GRIK4: variants seen among roughly 807,000 people sequenced by gnomAD.
GRIK4 encodes glutamate ionotropic receptor kainate type subunit 4, also known as glutamate receptor ionotropic, kainate 4.
In GRIK4, 40 loss-of-function variants were observed where a neutral mutation model predicts 104.9. That is an observed-to-expected ratio of 0.38 (90% CI 0.30 to 0.50). The LOEUF (loss-of-function observed/expected upper bound fraction) is 0.50, where lower values mean the gene tolerates loss of function less well. Ranked by LOEUF, GRIK4 falls within the 20% of genes least tolerant of loss-of-function variation. The pLI, the probability that GRIK4 is intolerant of heterozygous loss-of-function variation, is 0.93. For synonymous variants in GRIK4, 485 were observed against 524.9 expected (o/e 0.92, Z 1.04); for missense variants, 1,047 against 1,308.1 (o/e 0.80, Z 3.08).
At chr11:120,885,847 C>T (rs1955104847) in intron 11 of GRIK4, among the ~76,000 whole-genome samples, 1 of 152,158 alleles carries the variant, frequency 6.6e-6, no homozygotes, top group Non-Finnish European at 1.5e-5. Context: ...CATTTTTAGT[C>T]AGAGCTGACT....
intron 3 of GRIK4, among the ~76,000 whole-genome samples, chr11:120,769,660 C>A (rs1269862652): frequency 6.6e-6 from 1 of 152,152 alleles, no homozygotes; most frequent in East Asian, 1.9e-4. Flanking sequence ...GTTTGCTGAC[C>A]TCTGACTTAC....
At chr11:120,680,173 G>C (rs1436735743) in intron 3 of GRIK4, among the ~76,000 whole-genome samples, 1 of 152,146 alleles carries the variant, frequency 6.6e-6, no homozygotes, top group East Asian at 1.9e-4. Flanking sequence ...CACCTCCCAG[G>C]CTCAAGTGAT....
chr11:120,910,429 CTG>C (rs1565433301), intron 13 of GRIK4, among the ~76,000 whole-genome samples: 1 of 152,192 alleles, frequency 6.6e-6, no homozygotes, highest in East Asian at 1.9e-4. Flanking sequence ...CACCCTGGGG[CTG>C]TGTCTGGGCA....
At chr11:120,985,799 C>A in intron 20 of GRIK4, 105 bp from the exon 21 acceptor site, 1 of 984,166 alleles carries the variant, frequency 1.0e-6, no homozygotes. Context: ...TAAGATGACA[C>A]GATTCTGTGA....
At chr11:120,934,201 T>C (rs1943544165) in intron 13 of GRIK4, among the ~76,000 whole-genome samples, 1 of 86,568 alleles carries the variant, frequency 1.2e-5, no homozygotes. Context: ...CGAGACTCCG[T>C]CTCAAAAAAA....
chr11:120,772,908 A>C (rs557818657), intron 3 of GRIK4, among the ~76,000 whole-genome samples: 3 of 152,140 alleles, frequency 2.0e-5, no homozygotes, highest in Non-Finnish European at 4.4e-5. Context: ...ATATTTATTG[A>C]ATCCTGTGAT....
intron 1 of GRIK4, among the ~76,000 whole-genome samples, chr11:120,516,801 G>A (rs546592924): frequency 3.3e-5 from 5 of 152,242 alleles, no homozygotes; most frequent in African/African-American, 1.2e-4. Context: ...TGGGCGATGC[G>A]AGGGGAGTAG....
At chr11:120,677,292 G>A (rs529114798) in intron 3 of GRIK4, among the ~76,000 whole-genome samples, 8 of 152,254 alleles carry the variant, frequency 5.3e-5, no homozygotes, top group African/African-American at 1.7e-4. Flanking sequence ...GCTGGGCTCC[G>A]CTCAGAATGA....
intron 3 of GRIK4, among the ~76,000 whole-genome samples, chr11:120,763,525 TTG>T (rs934289209): frequency 6.6e-6 from 1 of 152,192 alleles, no homozygotes; most frequent in Non-Finnish European, 1.5e-5. Flanking sequence ...GTTCTTTTAA[TTG>T]TGATGTTAGG....
At chr11:120,887,145 C>A (rs1955140481) in intron 11 of GRIK4, among the ~76,000 whole-genome samples, 2 of 152,208 alleles carry the variant, frequency 1.3e-5, no homozygotes, top group African/African-American at 4.8e-5. Flanking sequence ...GTTCACACAT[C>A]TATTCCACCC....
At chr11:120,688,704 A>G (rs944875286) in intron 3 of GRIK4, among the ~76,000 whole-genome samples, 8 of 152,232 alleles carry the variant, frequency 5.3e-5, no homozygotes, top group Non-Finnish European at 1.2e-4. Flanking sequence ...AGAGCCGAAA[A>G]TAATTAATCA....
At chr11:120,579,734 T>C (rs1170860561) in intron 1 of GRIK4, among the ~76,000 whole-genome samples, 2 of 152,154 alleles carry the variant, frequency 1.3e-5, no homozygotes. Flanking sequence ...TCCCGATCTG[T>C]ACAGTTTCAG....
intron 1 of GRIK4, among the ~76,000 whole-genome samples, chr11:120,563,396 A>G (rs548560643): frequency 6.6e-6 from 1 of 152,254 alleles, no homozygotes; most frequent in East Asian, 1.9e-4. Context: ...GTGCCCAGTG[A>G]CAAGCTTGTA....
chr11:120,516,281 C>T (rs1341001157), intron 1 of GRIK4, among the ~76,000 whole-genome samples: 1 of 152,058 alleles, frequency 6.6e-6, no homozygotes, highest in Non-Finnish European at 1.5e-5. Context: ...CACCTGCCAC[C>T]AGCATTCAGA....
intron 3 of GRIK4, among the ~76,000 whole-genome samples, chr11:120,700,663 TA>T (rs1267346417): frequency 6.6e-6 from 1 of 152,188 alleles, no homozygotes; most frequent in Admixed American, 6.5e-5. Context: ...TTCACCATGT[TA>T]GCTAGACTGG....
chr11:120,541,056 A>G (rs1027442622), intron 1 of GRIK4, among the ~76,000 whole-genome samples: 3 of 152,196 alleles, frequency 2.0e-5, no homozygotes, highest in Admixed American at 6.5e-5. Context: ...TATTTTTACC[A>G]CATACTGCCC....
At chr11:120,529,232 G>A (rs1947898524) in intron 1 of GRIK4, among the ~76,000 whole-genome samples, 1 of 152,022 alleles carries the variant, frequency 6.6e-6, no homozygotes, top group African/African-American at 2.4e-5. Flanking sequence ...ACTGAGCTGT[G>A]GGAGGCCAGG....
At chr11:120,716,094 C>G (rs1212862960) in intron 3 of GRIK4, among the ~76,000 whole-genome samples, 1 of 152,088 alleles carries the variant, frequency 6.6e-6, no homozygotes, top group African/African-American at 2.4e-5. Context: ...GGAGCCTCCA[C>G]TGTTCTGTAG....
chr11:120,759,192 T>G (rs1013180826), intron 3 of GRIK4, among the ~76,000 whole-genome samples: 1 of 152,216 alleles, frequency 6.6e-6, no homozygotes, highest in South Asian at 2.1e-4. Flanking sequence ...GAGAGCTTTC[T>G]GGGCAGAGGG....
Sources: gnomAD v4.1 joint callset for allele counts (sites outside exome capture counted in the v4.1 genomes callset) on GRCh38, gnomAD v4.1.1 for gene constraint, MANE v1.5 for transcripts, NCBI Gene and HGNC (gene_info 2026-07-23, HGNC 2026-07-21) for gene names.